The following NFIB variants were observed in gnomAD, a reference collection of about 807,000 sequenced individuals.
The protein encoded by NFIB is nuclear factor I B, also known as nuclear factor 1 B-type.
A neutral mutation model predicts 61.5 loss-of-function variants in NFIB; 11 were observed. That is an observed-to-expected ratio of 0.18 (90% CI 0.11 to 0.30). NFIB has a LOEUF of 0.30. Among genes scored for constraint, NFIB ranks in the 10% least tolerant of loss-of-function variants. The pLI, the probability that NFIB is intolerant of heterozygous loss-of-function variation, is 1.00. For missense variants in NFIB, 471 were observed against 608.9 expected, an observed-to-expected ratio of 0.77 and a Z score of 2.38; for synonymous variants, 260 against 216.5, an observed-to-expected ratio of 1.20 and a Z score of -1.76.
At chr9:14,121,371 G>A (rs1235438696) in intron 7 of NFIB, among the ~76,000 whole-genome samples, 1 of 152,072 alleles carries the variant, frequency 6.6e-6, no homozygotes, top group East Asian at 1.9e-4. Context: ...ATTAAGTAGA[G>A]GGCAAAAGAG....
chr9:14,295,588 G>A (rs1237701026), intron 2 of NFIB, among the ~76,000 whole-genome samples: 1 of 152,034 alleles, frequency 6.6e-6, no homozygotes, highest in African/African-American at 2.4e-5. Context: ...CCGAGATTGC[G>A]CCACTGCACT....
intron 2 of NFIB, among the ~76,000 whole-genome samples, chr9:14,207,147 T>C (rs2049828278): frequency 6.6e-6 from 1 of 152,192 alleles, no homozygotes; most frequent in Non-Finnish European, 1.5e-5. Flanking sequence ...ATTATTCCCA[T>C]TTTCAGATGA....
At chr9:14,469,988 C>T in the NFIB span, among the ~76,000 whole-genome samples, 1 of 152,146 alleles carries the variant, frequency 6.6e-6, no homozygotes, top group Admixed American at 6.5e-5. Flanking sequence ...TTTTAAAGAA[C>T]TATTGCAGAG....
At chr9:14,137,625 C>T (rs937783917) in intron 6 of NFIB, among the ~76,000 whole-genome samples, 4 of 152,098 alleles carry the variant, frequency 2.6e-5, no homozygotes, top group Non-Finnish European at 4.4e-5. Flanking sequence ...AAGACCACAC[C>T]AGTATTTAGA....
chr9:14,315,414 C>T (rs1704386899), upstream of NFIB, among the ~76,000 whole-genome samples: 2 of 150,314 alleles, frequency 1.3e-5, no homozygotes, highest in South Asian at 2.1e-4. Context: ...CGCTCTCCTC[C>T]TCCTCCTCCT....
the NFIB span, among the ~76,000 whole-genome samples, chr9:14,477,499 C>T: frequency 6.6e-6 from 1 of 152,018 alleles, no homozygotes; most frequent in Admixed American, 6.5e-5. Flanking sequence ...AACTATCATG[C>T]CGAGTAATAA....
At chr9:14,225,191 G>A (rs996175968) in intron 2 of NFIB, among the ~76,000 whole-genome samples, 1 of 151,888 alleles carries the variant, frequency 6.6e-6, no homozygotes, top group African/African-American at 2.4e-5. Context: ...CTGTAACCTC[G>A]TTTTTTAAAT....
At position 14,150,181 on chromosome 9, in the gene NFIB, A is replaced by G; in HGVS notation, c.770T>C (p.Val257Ala). 1 of 1,612,886 alleles carries G rather than the reference A, an allele frequency of 6.2e-7. No homozygotes were observed. Among genetic ancestry groups the G allele is most frequent in the Non-Finnish European group, 8.5e-7 (1 of 1,179,454 alleles). ...AGAAGACAGAGACCTCTGAAGATTG[A>G]CCCCCGAGTTCATGTCATGATAGTA... Reference protein sequence around the residue: ...QPYYHDMNSGVNLQRSLSSPP... With the variant: ...QPYYHDMNSGANLQRSLSSPP... Residue 257 changes from valine (V) to alanine (A), a missense_variant, in exon 5 of 11, where the codon GTC becomes GCC. Val to Ala is a moderately conservative substitution (Grantham distance 64, BLOSUM62 0). This residue lies in a region of NFIB where 372 missense variants were observed against 395.6 expected (regional missense o/e 0.94). Transcript: ENST00000380953.
At chr9:14,486,897 T>C in the NFIB span, among the ~76,000 whole-genome samples, 40 of 152,200 alleles carry the variant, frequency 2.6e-4, no homozygotes, top group Non-Finnish European at 4.9e-4. Flanking sequence ...ATAAAAATGA[T>C]AAAACTAATT....
intron 2 of NFIB, among the ~76,000 whole-genome samples, chr9:14,184,715 G>GT (rs1358305601): frequency 6.6e-6 from 1 of 152,120 alleles, no homozygotes; most frequent in Non-Finnish European, 1.5e-5. Flanking sequence ...GGTCATTAAT[G>GT]TAAACATCAT....
intron 6 of NFIB, among the ~76,000 whole-genome samples, chr9:14,129,615 C>G (rs989908533): frequency 3.3e-5 from 5 of 151,962 alleles, no homozygotes; most frequent in African/African-American, 1.2e-4. Flanking sequence ...GTGTAATGTG[C>G]TCATATGCTA....
chr9:14,394,758 T>C (rs1257625349), intron 1 of NFIB, among the ~76,000 whole-genome samples: 1 of 152,152 alleles, frequency 6.6e-6, no homozygotes, highest in African/African-American at 2.4e-5. Flanking sequence ...GAATGAAGCC[T>C]CACCTCTGAC....
the NFIB span, among the ~76,000 whole-genome samples, chr9:14,504,127 T>C: frequency 6.6e-6 from 1 of 152,208 alleles, no homozygotes; most frequent in Admixed American, 6.5e-5. Context: ...CAGTTGGCTA[T>C]AAGTATTTGA....
chr9:14,216,720 A>G (rs2050968727), intron 2 of NFIB, among the ~76,000 whole-genome samples: 1 of 152,196 alleles, frequency 6.6e-6, no homozygotes, highest in Non-Finnish European at 1.5e-5. Context: ...TCTACCTAAC[A>G]GCCACTTCAA....
At chr9:14,322,559 C>T (rs1231053195) in intron 1 of NFIB, among the ~76,000 whole-genome samples, 1 of 152,082 alleles carries the variant, frequency 6.6e-6, no homozygotes, top group East Asian at 1.9e-4. Context: ...CTGGCTTTCT[C>T]TTTCTCCGGC....
At chr9:14,127,366 ATTC>A (rs992911957) in intron 6 of NFIB, among the ~76,000 whole-genome samples, 8 of 152,180 alleles carry the variant, frequency 5.3e-5, no homozygotes, top group Admixed American at 5.2e-4. Context: ...TGTTAACTGT[ATTC>A]ACAAGTAGAC....
At chr9:14,335,061 T>C (rs7038704) in intron 1 of NFIB, among the ~76,000 whole-genome samples, 142,703 of 152,280 alleles carry the variant, frequency 0.94, 67,449 homozygotes, top group Non-Finnish European at 1. Flanking sequence ...TTGTATAACA[T>C]AATTTATCTG....
chr9:14,147,443 A>T (rs992713504), intron 5 of NFIB, among the ~76,000 whole-genome samples: 1 of 152,048 alleles, frequency 6.6e-6, no homozygotes, highest in Non-Finnish European at 1.5e-5. Context: ...CATTTAGAAG[A>T]TACTTATCAA....
intron 2 of NFIB, among the ~76,000 whole-genome samples, chr9:14,230,783 A>C (rs1377755162): frequency 1.3e-5 from 2 of 152,110 alleles, no homozygotes; most frequent in African/African-American, 4.8e-5. Context: ...AGTGAGAAAC[A>C]AGTTTGGAAA....
Sources: gnomAD v4.1 joint callset for allele counts (sites outside exome capture counted in the v4.1 genomes callset) on GRCh38, gnomAD v4.1.1 for gene constraint, gnomAD v4.1.1 regional missense constraint, MANE v1.5 for transcripts, NCBI Gene and HGNC (gene_info 2026-07-23, HGNC 2026-07-21) for gene names.